COBLL1: variants seen among roughly 807,000 people sequenced by gnomAD.
The protein encoded by COBLL1 is cordon-bleu protein-like 1.
In COBLL1, 50 loss-of-function variants were observed where a neutral mutation model predicts 94.8. The ratio of observed to expected loss-of-function variants is 0.53; its 90% CI spans 0.42 to 0.67. The LOEUF (loss-of-function observed/expected upper bound fraction) is 0.67. Among genes scored for constraint, COBLL1 ranks in the 30% least tolerant of loss-of-function variants. COBLL1 has a pLI of 0.00. For synonymous variants in COBLL1, 448 were observed against 473.8 expected, an observed-to-expected ratio of 0.95 and a Z score of 0.71; for missense variants, 1,362 against 1,348.7, an observed-to-expected ratio of 1.01 and a Z score of -0.15.
At chr2:164,791,874 CTTT>C (rs76229485) in intron 2 of COBLL1, among the ~76,000 whole-genome samples, 1 of 142,294 alleles carries the variant, frequency 7.0e-6, no homozygotes, top group Admixed American at 7.0e-5. Flanking sequence ...GTTTTTGTTG[CTTT>C]TTTTTTTTTT....
At chr2:164,776,048 A>G (rs1306024264) in intron 2 of COBLL1, among the ~76,000 whole-genome samples, 1 of 151,894 alleles carries the variant, frequency 6.6e-6, no homozygotes, top group African/African-American at 2.4e-5. Context: ...TCCAAAAAAG[A>G]TGCTGAATTA....
At chr2:164,829,874 G>C (rs1682984125) in intron 2 of COBLL1, among the ~76,000 whole-genome samples, 1 of 152,124 alleles carries the variant, frequency 6.6e-6, no homozygotes, top group Admixed American at 6.6e-5. Flanking sequence ...AAGAATAAAG[G>C]CATCTCCCTT....
chr2:164,674,262 T>C (rs180778389), intron 1 of COBLL1, among the ~76,000 whole-genome samples: 9 of 152,310 alleles, frequency 5.9e-5, no homozygotes, highest in African/African-American at 1.7e-4. Context: ...GGTTTCACCG[T>C]GTTGGCCAGG....
intron 9 of COBLL1, among the ~76,000 whole-genome samples, chr2:164,701,891 G>A (rs1017192072): frequency 6.8e-6 from 1 of 147,376 alleles, no homozygotes; most frequent in Non-Finnish European, 1.5e-5. Flanking sequence ...TGGGGATGTG[G>A]TGGGAGGGGG....
chr2:164,805,337 C>CTATATATATA (rs71028444), intron 2 of COBLL1, among the ~76,000 whole-genome samples: 355 of 17,002 alleles, frequency 0.021, 31 homozygotes, highest in Middle Eastern at 0.25. Context: ...CTCTCTCTCT[C>CTATATATATA]TATATATATA....
rs1283889977 is a variant in COBLL1, at chr2:164,700,627, A to G, written c.1355T>C (p.Ile452Thr). The stretch of plus-strand genomic sequence containing the variant: ...GTCAGGATCATTTTTCAGTGTATTT[A>G]TTATATCAGTAGATACAAAAGGAAT... ...QDIPFVSTDIINTLKNDPDSA... is the reference protein window; with the variant it reads ...QDIPFVSTDITNTLKNDPDSA... Residue 452 changes from isoleucine to threonine, a missense_variant, in exon 10 of 14, where the codon ATA (isoleucine) becomes ACA (threonine). By Grantham distance (89) the Ile-to-Thr change is moderately conservative. Coordinates refer to ENST00000652658, the MANE Select transcript of COBLL1 (RefSeq NM_001365672.2). 1.2e-6 allele frequency: 2 copies of G among 1,613,392 alleles called. No homozygotes were observed. The highest frequency in any genetic ancestry group is 1.7e-6 in the Non-Finnish European group (2 of 1,179,452).
chr2:164,790,514 C>G (rs61305746), intron 2 of COBLL1, among the ~76,000 whole-genome samples: 28,275 of 152,064 alleles, frequency 0.19, 2,974 homozygotes, highest in African/African-American at 0.25. Flanking sequence ...AAATGTCACA[C>G]GCAATCTTGT....
chr2:164,795,904 T>G (rs1227793334), intron 2 of COBLL1, among the ~76,000 whole-genome samples: 1 of 152,212 alleles, frequency 6.6e-6, no homozygotes, highest in African/African-American at 2.4e-5. Context: ...CAGAAGCATG[T>G]CAGACTTAGA....
intron 2 of COBLL1, among the ~76,000 whole-genome samples, chr2:164,661,158 T>C (rs542076100): frequency 6.6e-6 from 1 of 152,214 alleles, no homozygotes; most frequent in South Asian, 2.1e-4. Flanking sequence ...TACCTTATTA[T>C]TGGGGGAAAG....
chr2:164,787,564 G>A (rs1682927136), intron 2 of COBLL1, among the ~76,000 whole-genome samples: 1 of 151,914 alleles, frequency 6.6e-6, no homozygotes. Context: ...CAGTAAGGCT[G>A]GGGGAAAAAA....
intron 2 of COBLL1, among the ~76,000 whole-genome samples, chr2:164,750,528 C>T (rs1376192703): frequency 2.6e-5 from 4 of 152,214 alleles, no homozygotes. Context: ...CTTGCCCAAA[C>T]TGCTTCAAAA....
chr2:164,659,212 A>C (rs1037159692), intron 2 of COBLL1, among the ~76,000 whole-genome samples: 1 of 152,110 alleles, frequency 6.6e-6, no homozygotes, highest in African/African-American at 2.4e-5. Flanking sequence ...GCTGAGCACT[A>C]GTTCCTGGAG....
chr2:164,792,481 C>T (rs1683239834), intron 2 of COBLL1, among the ~76,000 whole-genome samples: 1 of 152,072 alleles, frequency 6.6e-6, no homozygotes, highest in Non-Finnish European at 1.5e-5. Flanking sequence ...TAGAAACAGC[C>T]TCCTTTTCAC....
chr2:164,824,242 A>T (rs965879311), intron 2 of COBLL1, among the ~76,000 whole-genome samples: 4 of 151,952 alleles, frequency 2.6e-5, no homozygotes, highest in African/African-American at 9.7e-5. Flanking sequence ...TTATCTGGGC[A>T]TGGTGGTGTA....
chr2:164,791,755 G>A (rs1056476624), intron 2 of COBLL1, among the ~76,000 whole-genome samples: 1 of 152,068 alleles, frequency 6.6e-6, no homozygotes, highest in African/African-American at 2.4e-5. Flanking sequence ...GGTAGCAGAG[G>A]TAGCAGTACC....
At chr2:164,769,782 C>T (rs1422763348) in intron 2 of COBLL1, among the ~76,000 whole-genome samples, 1 of 151,750 alleles carries the variant, frequency 6.6e-6, no homozygotes, top group Non-Finnish European at 1.5e-5. Context: ...CGAGTTTTGC[C>T]ACATATACCC....
intron 2 of COBLL1, among the ~76,000 whole-genome samples, chr2:164,825,631 A>C (rs1200517874): frequency 1.3e-5 from 2 of 152,286 alleles, no homozygotes; most frequent in South Asian, 2.1e-4. Flanking sequence ...CAAATCAATA[A>C]ATCCATTTGA....
chr2:164,724,335 C>T (rs375232261), intron 5 of COBLL1: 34 of 152,170 alleles, frequency 2.2e-4, no homozygotes, highest in African/African-American at 7.7e-4. Context: ...AAATCTCTCG[C>T]CAAAATCTGA....
chr2:164,686,080 G>T, intron 13 of COBLL1, 48 bp from the exon 14 acceptor site: 1 of 1,021,078 alleles, frequency 9.8e-7, no homozygotes, highest in Non-Finnish European at 1.4e-6. Flanking sequence ...AAATGGGATA[G>T]CTGTCTAATT....
Sources: allele counts gnomAD v4.1 joint callset (sites outside exome capture counted in the v4.1 genomes callset), GRCh38; gene constraint gnomAD v4.1.1; transcripts MANE v1.5; gene names NCBI Gene and HGNC (gene_info 2026-07-23, HGNC 2026-07-21).